DERA: variants seen among roughly 807,000 people sequenced by gnomAD.
DERA encodes 2-deoxy-D-ribose 5-phosphate aldolase.
In DERA, 15 loss-of-function variants were observed where a neutral mutation model predicts 41.1. The observed-to-expected ratio is 0.37, with a 90% CI of 0.24 to 0.56. DERA has a LOEUF of 0.56. Ranked by LOEUF, DERA falls within the 20% of genes least tolerant of loss-of-function variation. DERA has a pLI of 0.81. For synonymous variants in DERA, 139 were observed against 137.4 expected (o/e 1.01, Z -0.08); for missense variants, 396 against 403.4 (o/e 0.98, Z 0.16).
At chr12:16,027,727 G>A (rs866370532) in intron 6 of DERA, among the ~76,000 whole-genome samples, 2 of 152,114 alleles carry the variant, frequency 1.3e-5, no homozygotes, top group Non-Finnish European at 2.9e-5. Context: ...GTTGTTTTGA[G>A]CCACCAAGTT....
chr12:15,926,751 A>AG (rs1236637676), intron 1 of DERA, among the ~76,000 whole-genome samples: 19 of 151,128 alleles, frequency 1.3e-4, no homozygotes, highest in Non-Finnish European at 3.0e-5. Flanking sequence ...AGAAAAAAAA[A>AG]AAAAAAAAAA....
Position 15,959,491 on chromosome 12 carries a change from G to A in DERA, c.278-338G>A, listed in dbSNP as rs771618262. Among the ~76,000 whole-genome samples, 5 of 152,082 alleles carry A rather than the reference G, an allele frequency of 3.3e-5. No individual in the cohort carries two copies. Among genetic ancestry groups the A allele is most frequent in the Middle Eastern group, 3.2e-3 (1 of 316 alleles). ...CAGGTATGTCCTATGTGAATGCTCT[G>A]TAAATATGGATTTTGTTATCTACAT... On this transcript the variant is annotated intron_variant, in intron 3 of 8. Coordinates refer to ENST00000428559, the MANE Select transcript of DERA (RefSeq NM_015954.4). The surrounding 1 kb of genome is among the most constrained non-coding windows in gnomAD (Gnocchi z 4.5).
rs1948743183 is a variant in DERA, at chr12:15,983,067, T to C, written c.637+631T>C. On this transcript the variant is annotated intron_variant, in intron 6 of 8. Coordinates refer to ENST00000428559, the MANE Select transcript of DERA (RefSeq NM_015954.4). The surrounding 1 kb of genome is among the most constrained non-coding windows in gnomAD (Gnocchi z 6.2). ...CCTCTTTGCTGTGTCTGACACATCT[T>C]CCCTCCATTCTAAGTGCTGCTGTCT... Among the ~76,000 whole-genome samples, 1 of 152,146 alleles carries C rather than the reference T, an allele frequency of 6.6e-6. No homozygotes were observed. Among genetic ancestry groups the C allele is most frequent in the African/African-American group, 2.4e-5 (1 of 41,438 alleles).
intron 1 of DERA, among the ~76,000 whole-genome samples, chr12:15,927,131 TA>T (rs1484123324): frequency 6.6e-6 from 1 of 152,214 alleles, no homozygotes; most frequent in African/African-American, 2.4e-5. Flanking sequence ...TTGGTTTACT[TA>T]AAACATTTTG....
chr12:16,016,032 T>C (rs1948979935), intron 6 of DERA, among the ~76,000 whole-genome samples: 1 of 152,248 alleles, frequency 6.6e-6, no homozygotes, highest in South Asian at 2.1e-4. Flanking sequence ...CACAAAGTTG[T>C]GCAGCCATCT....
intron 1 of DERA, among the ~76,000 whole-genome samples, chr12:15,923,108 C>T (rs11056717): frequency 0.09 from 13,208 of 146,530 alleles, 2,037 homozygotes; most frequent in African/African-American, 0.31. Context: ...CTGCAAGCTC[C>T]GCCTCCCGGG....
intron 5 of DERA, among the ~76,000 whole-genome samples, chr12:15,980,576 A>C (rs1002736706): frequency 4.6e-5 from 7 of 152,078 alleles, no homozygotes; most frequent in African/African-American, 1.7e-4. Flanking sequence ...TATTTTTAAC[A>C]TTCTTACACA....
In DERA at chr12:16,027,880, C is replaced by T. The variant is rs78583330; in HGVS notation, c.638-4662C>T. On this transcript the variant is annotated intron_variant, in intron 6 of 8. Transcript: ENST00000428559. ...GCTAAATGAGTTTACCAAGGTTGCA[C>T]GATGCATGGTTAATATACAAAATTC... Among the ~76,000 whole-genome samples, 86 of 152,278 alleles carry T rather than the reference C, an allele frequency of 5.6e-4. 1 individual carries two copies. The East Asian group carries it at 0.015, about 27-fold the overall frequency.
intron 6 of DERA, among the ~76,000 whole-genome samples, chr12:16,022,263 C>T (rs532991519): frequency 2.0e-5 from 3 of 152,294 alleles, no homozygotes; most frequent in South Asian, 2.1e-4. Flanking sequence ...CTTGCTCCTG[C>T]TCTTGCCATG....
intron 1 of DERA, among the ~76,000 whole-genome samples, chr12:15,923,686 T>C (rs944680474): frequency 6.8e-6 from 1 of 146,872 alleles, no homozygotes; most frequent in Admixed American, 7.0e-5. Flanking sequence ...TGGCAGAATA[T>C]TGGTTATAGT....
chr12:16,031,805 T>C (rs1949094162), intron 6 of DERA, among the ~76,000 whole-genome samples: 1 of 152,198 alleles, frequency 6.6e-6, no homozygotes, highest in African/African-American at 2.4e-5. Context: ...ATCGTATTAC[T>C]ATGATCTCTA....
At chr12:15,925,293 A>G (rs952502410) in intron 1 of DERA, among the ~76,000 whole-genome samples, 3 of 152,224 alleles carry the variant, frequency 2.0e-5, no homozygotes, top group Non-Finnish European at 4.4e-5. Context: ...CTTCACTTTC[A>G]TAAACCCTTC....
At chr12:16,032,121 A>G (rs1276830338) in intron 6 of DERA, among the ~76,000 whole-genome samples, 1 of 152,230 alleles carries the variant, frequency 6.6e-6, no homozygotes, top group Non-Finnish European at 1.5e-5. Context: ...TCACAACTGT[A>G]TACTGTGTAC....
intron 5 of DERA, among the ~76,000 whole-genome samples, chr12:15,963,414 T>G (rs1948601520): frequency 1.3e-5 from 2 of 152,328 alleles, no homozygotes; most frequent in South Asian, 4.1e-4. Context: ...TTGACTAAGT[T>G]TATTTTTACT....
Position 15,967,529 on chromosome 12 carries a change from C to T in DERA, c.508+4582C>T, listed in dbSNP as rs1475958414. On this transcript the variant is annotated intron_variant, in intron 5 of 8. Transcript: ENST00000428559. This position sits in a 1 kb window ranked among gnomAD's most constrained non-coding sequence, Gnocchi z 4.9. The stretch of plus-strand genomic sequence containing the variant: ...TTAATTTTTTCTTGATTATTCCAAA[C>T]TGTTTCATTACTGATTATATTATCC... 1.3e-5 allele frequency among the ~76,000 whole-genome samples: 2 copies of T among 152,186 alleles called. No homozygotes were observed. The highest frequency in any genetic ancestry group is 4.8e-5 in the African/African-American group (2 of 41,440).
chr12:15,995,972 C>T lies in DERA; in HGVS notation c.637+13536C>T, dbSNP rs1037016424. ...AAGAATTTCGTCAGTGTCTGAATCA[C>T]CTGGAAATTGGGTGCGCCACATCAG... On this transcript the variant is annotated intron_variant, in intron 6 of 8. Coordinates refer to ENST00000428559, the MANE Select transcript of DERA (RefSeq NM_015954.4). The surrounding 1 kb of genome is among the most constrained non-coding windows in gnomAD (Gnocchi z 5.1). Among the ~76,000 whole-genome samples the T allele has an allele frequency of 4.6e-5, 7 of 152,064 alleles. No individual in the cohort carries two copies. Among genetic ancestry groups the T allele is most frequent in the South Asian group, 4.1e-4 (2 of 4,826 alleles).
chr12:16,022,837 C>T (rs1346390948), intron 6 of DERA, among the ~76,000 whole-genome samples: 1 of 152,130 alleles, frequency 6.6e-6, no homozygotes, highest in Non-Finnish European at 1.5e-5. Flanking sequence ...GTGTGGCCCC[C>T]ACTCTTTTTT....
In DERA at chr12:15,913,776, A is replaced by ATG. The variant is rs1251750209; in HGVS notation, c.31+2364_31+2365dup. On this transcript the variant is annotated intron_variant, in intron 1 of 8. Coordinates refer to ENST00000428559, the MANE Select transcript of DERA (RefSeq NM_015954.4). This position sits in a 1 kb window ranked among gnomAD's most constrained non-coding sequence, Gnocchi z 4.5. ...ATGAAAGATGTTTTCCAAATAGGGA[A>ATG]TGTACCCTCTAGCTTTCATATTAGA... is the stretch of plus-strand genomic sequence containing the variant. Among the ~76,000 whole-genome samples the ATG allele has an allele frequency of 6.6e-6, 1 of 152,222 alleles. No homozygotes were observed. The highest frequency in any genetic ancestry group is 1.5e-5 in the Non-Finnish European group (1 of 68,032).
At chr12:15,975,337 G>C (rs1158862520) in intron 5 of DERA, among the ~76,000 whole-genome samples, 2 of 152,090 alleles carry the variant, frequency 1.3e-5, no homozygotes, top group African/African-American at 2.4e-5. Context: ...TTGGGTGGGG[G>C]CCACAAGATC....
Sources: gnomAD v4.1 joint callset for allele counts (sites outside exome capture counted in the v4.1 genomes callset) on GRCh38, gnomAD v4.1.1 for gene constraint, Gnocchi (gnomAD v3.1) non-coding constraint, MANE v1.5 for transcripts, NCBI Gene and HGNC (gene_info 2026-07-23, HGNC 2026-07-21) for gene names.